The following DIDO1 variants were observed in gnomAD, a reference collection of about 807,000 sequenced individuals.
DIDO1 encodes the protein death inducer-obliterator 1.
Under a neutral mutation model 99.4 loss-of-function variants are expected in DIDO1, and 16 were observed. The ratio of observed to expected loss-of-function variants is 0.16; its 90% confidence interval spans 0.11 to 0.24. DIDO1 has a LOEUF of 0.24. Ranked by LOEUF, DIDO1 falls within the 10% of genes least tolerant of loss-of-function variation. The probability of loss-of-function intolerance (pLI) is 1.00; values close to 1 mark genes in which losing one functional copy is unlikely to be tolerated. For missense variants in DIDO1, 2,996 were observed against 3,014.0 expected (o/e 0.99, Z 0.14); for synonymous variants, 1,366 against 1,239.1 (o/e 1.10, Z -2.15).
intron 6 of DIDO1, 143 bp downstream of exon 6, chr20:62,905,744 C>A: frequency 6.2e-7 from 1 of 1,606,692 alleles, no homozygotes. Context: ...TGGACATGGG[C>A]TCTGCTTCCC....
At chr20:62,916,398 ACACT>A (rs1047893582) in intron 1 of DIDO1, among the ~76,000 whole-genome samples, 4 of 152,336 alleles carry the variant, frequency 2.6e-5, no homozygotes, top group African/African-American at 9.6e-5. Flanking sequence ...CAGAGGACAC[ACACT>A]GACTTCCAAA....
intron 4 of DIDO1, among the ~76,000 whole-genome samples, chr20:62,908,894 G>A (rs1275537278): frequency 6.6e-6 from 1 of 152,202 alleles, no homozygotes; most frequent in Non-Finnish European, 1.5e-5. Flanking sequence ...AAAAAATAAA[G>A]ACATAAAGCC....
intron 15 of DIDO1, chr20:62,887,556 G>A (rs1454676929): frequency 2.0e-6 from 2 of 985,338 alleles, no homozygotes; most frequent in Non-Finnish European, 2.4e-6. Flanking sequence ...GTGCACCCAT[G>A]TTTATGGACC....
chr20:62,899,295 G>A (rs775039249), intron 6 of DIDO1, among the ~76,000 whole-genome samples: 1 of 152,164 alleles, frequency 6.6e-6, no homozygotes, highest in Admixed American at 6.5e-5. Context: ...CAGAAACCTC[G>A]GCAAAATGCC....
intron 1 of DIDO1, among the ~76,000 whole-genome samples, chr20:62,924,329 T>C (rs536853441): frequency 2.0e-4 from 30 of 152,280 alleles, no homozygotes; most frequent in African/African-American, 7.2e-4. Flanking sequence ...CCACAGATAG[T>C]AGGGAGTCAC....
In DIDO1 at chr20:62,893,886, C is replaced by G. The variant is rs145374631; in HGVS notation, c.2881G>C (p.Val961Leu). The change falls in exon 12 of 16, where the codon GTC becomes CTC. Residue 961 changes from valine to leucine, a missense_variant. Around this residue, in one of 5 missense-constraint regions of DIDO1, gnomAD observed 898 missense variants for 972.7 expected, o/e 0.92. Transcript: ENST00000395343. Reference sequence around the variant, plus strand: ...CTGGGGTCCCGGCCGGACACTGTGACGGTGGTGACCACCCCGCTCCCACAG... The same window carrying G: ...CTGGGGTCCCGGCCGGACACTGTGAGGGTGGTGACCACCCCGCTCCCACAG... ...ASCGSGVVTT[V>L]TVSGRDPRTA... The G allele has an allele frequency of 1.2e-6, 2 of 1,611,178 alleles. No individual in the cohort carries two copies. Among genetic ancestry groups the G allele is most frequent in the Non-Finnish European group, 1.7e-6 (2 of 1,177,826 alleles).
chr20:62,896,806 G>A lies in DIDO1; in HGVS notation c.1779C>T (p.Thr593=). The A allele has an allele frequency of 1.2e-6, 2 of 1,614,166 alleles. No individual in the cohort carries two copies. The highest frequency in any genetic ancestry group is 2.2e-5 in the East Asian group (1 of 44,880). The change falls in exon 7 of 16, where the codon ACC becomes ACT. Residue 593 remains threonine, a synonymous_variant. Transcript: ENST00000395343. This position sits in a 1 kb window ranked among gnomAD's most constrained non-coding sequence, Gnocchi z 4.4. ...IKKPPSGFKG[T]IPKRPWLSAT... is the part of the protein sequence containing the mutation. ...CGGAGAGCCATGGCCTCTTGGGGAT[G>A]GTGCCCTTGAAACCTGAGGGTGGCT... is the stretch of plus-strand genomic sequence containing the variant.
rs754023003 is a variant in DIDO1 at position 62,880,385 on chromosome 20, G to A, written c.5571C>T (p.Asp1857=). The A allele has an allele frequency of 9.3e-6, 15 of 1,612,862 alleles. No individual in the cohort carries two copies. The highest frequency in any genetic ancestry group is 1.3e-5 in the African/African-American group (1 of 75,064). ...DPHGEKREFQ[D]APYNEVTGAP... ...CGCCCGTCACCTCGTTATACGGGGC[G>A]TCCTGGAACTCCCTCTTCTCCCCAT... Residue 1857 remains aspartate (D), a synonymous_variant, in exon 16 of 16, where the codon GAC becomes GAT. Transcript: ENST00000395343.
At chr20:62,925,851 G>A (rs1231157340) in intron 1 of DIDO1, among the ~76,000 whole-genome samples, 1 of 152,194 alleles carries the variant, frequency 6.6e-6, no homozygotes, top group African/African-American at 2.4e-5. Context: ...ACCAGCGCGG[G>A]GAGGTAAGGA....
At chr20:62,907,993 TG>T (rs1189542680) in intron 4 of DIDO1, among the ~76,000 whole-genome samples, 1 of 152,104 alleles carries the variant, frequency 6.6e-6, no homozygotes, top group African/African-American at 2.4e-5. Flanking sequence ...CTTTTTTTTT[TG>T]TTTGAGACAG....
intron 15 of DIDO1, among the ~76,000 whole-genome samples, chr20:62,885,990 C>T (rs576982619): frequency 4.6e-5 from 7 of 152,346 alleles, no homozygotes; most frequent in Non-Finnish European, 8.8e-5. Flanking sequence ...CCCCTCCCCT[C>T]GGCAGCTGCC....
intron 1 of DIDO1, among the ~76,000 whole-genome samples, chr20:62,932,453 A>G (rs903793509): frequency 2.6e-5 from 4 of 152,260 alleles, no homozygotes; most frequent in African/African-American, 9.6e-5. Flanking sequence ...TTTTTATAAA[A>G]AAGAAAAGTC....
intron 6 of DIDO1, among the ~76,000 whole-genome samples, chr20:62,900,041 C>T (rs940841749): frequency 6.6e-6 from 1 of 152,222 alleles, no homozygotes; most frequent in African/African-American, 2.4e-5. Context: ...CAACTCCAGG[C>T]AACCCAGGAA....
At chr20:62,914,011 T>A (rs2064995415) in intron 2 of DIDO1, among the ~76,000 whole-genome samples, 199 bp downstream of exon 2, 1 of 152,248 alleles carries the variant, frequency 6.6e-6, no homozygotes, top group Non-Finnish European at 1.5e-5. Flanking sequence ...CCCAAATATT[T>A]CCAATCTGCA....
chr20:62,937,332 A>C (rs2065400222), intron 1 of DIDO1, among the ~76,000 whole-genome samples: 1 of 152,198 alleles, frequency 6.6e-6, no homozygotes, highest in Non-Finnish European at 1.5e-5. Flanking sequence ...GTAAACGCGC[A>C]AATACCCAAG....
chr20:62,884,393 C>T lies in DIDO1; in HGVS notation c.3542-1979G>A, dbSNP rs576852556. 1.2e-4 allele frequency among the ~76,000 whole-genome samples: 19 copies of T among 152,274 alleles called. No homozygotes were observed. The South Asian group carries it at 3.1e-3, about 25-fold the overall frequency. On this transcript the variant is annotated intron_variant, in intron 15 of 15. Coordinates refer to ENST00000395343, the MANE Select transcript of DIDO1 (RefSeq NM_001193369.2). ...GATACACGTGGGTGGGACGTTTCAG[C>T]GGCAGCGACGTAACACTATGTGAGA...
chr20:62,895,872 G>C (rs1056408717), intron 8 of DIDO1, among the ~76,000 whole-genome samples: 1 of 152,222 alleles, frequency 6.6e-6, no homozygotes, highest in African/African-American at 2.4e-5. Context: ...GGCTGTCTGA[G>C]GCCGGAATAC....
intron 1 of DIDO1, among the ~76,000 whole-genome samples, chr20:62,921,847 A>C (rs1002574131): frequency 6.6e-6 from 1 of 150,754 alleles, no homozygotes; most frequent in African/African-American, 2.4e-5. Context: ...ATATATATCC[A>C]CTACATATAC....
intron 6 of DIDO1, among the ~76,000 whole-genome samples, chr20:62,903,329 G>A (rs983368946): frequency 6.6e-6 from 1 of 152,200 alleles, no homozygotes; most frequent in African/African-American, 2.4e-5. Context: ...GGAAGGACAG[G>A]AGGGTGCCTA....
Sources: gnomAD v4.1 joint callset for allele counts (sites outside exome capture counted in the v4.1 genomes callset) on GRCh38, gnomAD v4.1.1 for gene constraint, gnomAD v4.1.1 regional missense constraint, Gnocchi (gnomAD v3.1) non-coding constraint, MANE v1.5 for transcripts, NCBI Gene and HGNC (gene_info 2026-07-23, HGNC 2026-07-21) for gene names.